Variants in ANK3 observed in about 807,000 individuals in gnomAD.
The protein encoded by ANK3 is ankyrin-3.
Under a neutral mutation model 370.9 loss-of-function variants are expected in ANK3, and 57 were observed. The ratio of observed to expected loss-of-function variants is 0.15; its 90% CI spans 0.12 to 0.19. The LOEUF (loss-of-function observed/expected upper bound fraction) is 0.19, where lower values mean the gene tolerates loss of function less well. Among genes scored for constraint, ANK3 ranks in the 10% least tolerant of loss-of-function variants. The pLI is 1.00. For missense variants in ANK3, 4,439 were observed against 5,302.1 expected (o/e 0.84, Z 5.06); for synonymous variants, 1,929 against 1,946.3 (o/e 0.99, Z 0.23).
intron 16 of ANK3, among the ~76,000 whole-genome samples, chr10:60,191,062 C>T (rs1190167983): frequency 6.6e-6 from 1 of 152,098 alleles, no homozygotes; most frequent in African/African-American, 2.4e-5. Flanking sequence ...ACCCATAACT[C>T]TCACCATATA....
In ANK3 at chr10:60,172,893, C is replaced by A. The variant is rs755406257; in HGVS notation, c.2382+7G>T. On this transcript the variant is annotated splice_region_variant and intron_variant, in intron 20 of 43. Coordinates refer to ENST00000280772, the MANE Select transcript of ANK3 (RefSeq NM_020987.5). ...CCTCTTCTCCTGAGCTGGCCCTGAG[C>A]GCTTACCACAGTGAGTTCATTGGGG... is the stretch of plus-strand genomic sequence containing the variant. 6.2e-7 allele frequency: 1 copy of A among 1,605,186 alleles called. No individual in the cohort carries two copies. The highest frequency in any genetic ancestry group is 2.2e-5 in the East Asian group (1 of 44,804).
At chr10:60,172,837 G>A in intron 20 of ANK3, 63 bp downstream of exon 20, 1 of 1,026,930 alleles carries the variant, frequency 9.7e-7, no homozygotes, top group Non-Finnish European at 1.5e-6. Context: ...AACGTAAGAA[G>A]ACACCAGAGT....
chr10:60,223,250 C>T (rs2097090993), intron 8 of ANK3, among the ~76,000 whole-genome samples: 2 of 152,186 alleles, frequency 1.3e-5, no homozygotes. Flanking sequence ...CCAGAAGTGC[C>T]CCTACCCTTG....
intron 1 of ANK3, among the ~76,000 whole-genome samples, chr10:60,359,757 C>T (rs1187611254): frequency 6.6e-6 from 1 of 152,154 alleles, no homozygotes; most frequent in Non-Finnish European, 1.5e-5. Context: ...CATGATCATG[C>T]TACTGCATTC....
At chr10:60,055,559 TA>T in intron 42 of ANK3, 98 bp downstream of exon 42, 1 of 1,436,818 alleles carries the variant, frequency 7.0e-7, no homozygotes. Flanking sequence ...TTAGAAATCG[TA>T]AAAAACCTTG....
At chr10:60,302,514 A>C (rs2044046967) in intron 1 of ANK3, among the ~76,000 whole-genome samples, 1 of 152,186 alleles carries the variant, frequency 6.6e-6, no homozygotes, top group South Asian at 2.1e-4. Flanking sequence ...TTTAGTTCTC[A>C]CAGCTATGTT....
intron 2 of ANK3, among the ~76,000 whole-genome samples, chr10:60,567,352 A>C (rs2077488080): frequency 6.6e-6 from 1 of 152,032 alleles, no homozygotes; most frequent in East Asian, 1.9e-4. Flanking sequence ...TGCTAAATCT[A>C]CTCTGCTTGT....
At chr10:60,454,736 T>G (rs563670768) in intron 2 of ANK3, among the ~76,000 whole-genome samples, 8 of 152,304 alleles carry the variant, frequency 5.3e-5, no homozygotes, top group African/African-American at 1.4e-4. Flanking sequence ...ATCTCCTGAC[T>G]TGAAGTTGTT....
intron 28 of ANK3, among the ~76,000 whole-genome samples, chr10:60,103,872 A>C (rs2091738001): frequency 6.6e-6 from 1 of 152,234 alleles, no homozygotes; most frequent in Non-Finnish European, 1.5e-5. Context: ...AGATTACATC[A>C]TTGTTTCTTT....
At chr10:60,034,772 T>C (rs2074532127) in intron 43 of ANK3, among the ~76,000 whole-genome samples, 1 of 152,168 alleles carries the variant, frequency 6.6e-6, no homozygotes, top group East Asian at 1.9e-4. Context: ...TTTGTTTCTC[T>C]CCCTACCCAC....
At chr10:60,693,553 G>C (rs912796681) in intron 1 of ANK3, among the ~76,000 whole-genome samples, 1 of 152,228 alleles carries the variant, frequency 6.6e-6, no homozygotes, top group South Asian at 2.1e-4. Context: ...CTGGAGATCT[G>C]AGAACGGGCA....
chr10:60,177,973 G>T (rs1346839754), intron 18 of ANK3, among the ~76,000 whole-genome samples: 1 of 151,896 alleles, frequency 6.6e-6, no homozygotes, highest in Non-Finnish European at 1.5e-5. Flanking sequence ...TCTTCATTTG[G>T]ATTTCACAAT....
At chr10:60,487,589 CT>C (rs35997436) in intron 2 of ANK3, among the ~76,000 whole-genome samples, 58,832 of 151,430 alleles carry the variant, frequency 0.39, 11,638 homozygotes, top group Non-Finnish European at 0.41. Context: ...AAATGCATAT[CT>C]CTGGGTCCCA....
chr10:60,031,933 C>T (rs943393421), intron 43 of ANK3, among the ~76,000 whole-genome samples: 1 of 152,090 alleles, frequency 6.6e-6, no homozygotes, highest in Non-Finnish European at 1.5e-5. Context: ...TGTGACTCTG[C>T]TGAGGTTCCA....
At chr10:60,498,215 T>C (rs1292818391) in intron 2 of ANK3, among the ~76,000 whole-genome samples, 7 of 152,198 alleles carry the variant, frequency 4.6e-5, no homozygotes, top group Non-Finnish European at 1.0e-4. Flanking sequence ...TGATCTTTTA[T>C]AGCTCAAAGC....
chr10:60,391,503 C>A (rs1181935508), upstream of ANK3, among the ~76,000 whole-genome samples: 1 of 150,158 alleles, frequency 6.7e-6, no homozygotes, highest in Non-Finnish European at 1.5e-5. Flanking sequence ...ACTTCGTATG[C>A]ATTTTCCCAA....
At chr10:60,638,205 G>A (rs1437784727) in intron 1 of ANK3, among the ~76,000 whole-genome samples, 1 of 152,202 alleles carries the variant, frequency 6.6e-6, no homozygotes, top group Non-Finnish European at 1.5e-5. Flanking sequence ...AGGCTGAAAA[G>A]TTCCTAGAGA....
chr10:60,423,371 G>A (rs1022555637), intron 2 of ANK3, among the ~76,000 whole-genome samples: 1 of 150,908 alleles, frequency 6.6e-6, no homozygotes, highest in African/African-American at 2.4e-5. Flanking sequence ...TTAATACAAG[G>A]TGGAGGTAGG....
chr10:60,681,089 C>T (rs1234310555), intron 1 of ANK3, among the ~76,000 whole-genome samples: 1 of 152,190 alleles, frequency 6.6e-6, no homozygotes, highest in East Asian at 1.9e-4. Flanking sequence ...CTCTCCTCTA[C>T]TTTCCAAGTC....
Sources: gnomAD v4.1 joint callset for allele counts (sites outside exome capture counted in the v4.1 genomes callset) on GRCh38, gnomAD v4.1.1 for gene constraint, MANE v1.5 for transcripts, NCBI Gene and HGNC (gene_info 2026-07-23, HGNC 2026-07-21) for gene names.